Variants in CTNNA3 observed in about 807,000 individuals in gnomAD.
CTNNA3 encodes catenin alpha-3.
CTNNA3 carries 76 observed loss-of-function variants against 95.7 expected under a neutral mutation model. The ratio of observed to expected loss-of-function variants is 0.79; its 90% CI spans 0.66 to 0.96. The LOEUF is 0.96. CTNNA3 is among the 40% of genes least tolerant of loss of function. CTNNA3 has a pLI of 0.00. For missense variants in CTNNA3, 1,191 were observed against 1,089.8 expected (o/e 1.09, Z -1.31); for synonymous variants, 431 against 374.4 (o/e 1.15, Z -1.74).
chr10:66,552,065 G>A (rs1019184613), intron 10 of CTNNA3, among the ~76,000 whole-genome samples: 3 of 151,668 alleles, frequency 2.0e-5, no homozygotes, highest in Non-Finnish European at 2.9e-5. Context: ...CACCACGCCC[G>A]GCTAATTTTT....
chr10:67,283,336 G>A (rs1839470389), intron 5 of CTNNA3, among the ~76,000 whole-genome samples: 1 of 152,206 alleles, frequency 6.6e-6, no homozygotes, highest in Non-Finnish European at 1.5e-5. Context: ...CTGGTAATCA[G>A]CAGCTTCCCA....
intron 3 of CTNNA3, among the ~76,000 whole-genome samples, chr10:67,541,032 C>A (rs1228172702): frequency 6.6e-6 from 1 of 151,682 alleles, no homozygotes; most frequent in African/African-American, 2.4e-5. Flanking sequence ...TTCATTGATA[C>A]ACTGTAACTT....
chr10:66,760,340 C>T (rs149136518), intron 9 of CTNNA3, among the ~76,000 whole-genome samples: 20 of 152,244 alleles, frequency 1.3e-4, no homozygotes, highest in Non-Finnish European at 2.6e-4. Flanking sequence ...CTGCCTCTAT[C>T]CCATCTCATG....
chr10:66,757,860 A>T (rs1242970701), intron 9 of CTNNA3, among the ~76,000 whole-genome samples: 1 of 152,142 alleles, frequency 6.6e-6, no homozygotes, highest in East Asian at 1.9e-4. Context: ...TGTGATCTTA[A>T]GTGAGTTGCT....
chr10:66,273,254 A>G (rs780023439), intron 13 of CTNNA3, among the ~76,000 whole-genome samples: 4 of 152,154 alleles, frequency 2.6e-5, no homozygotes, highest in Admixed American at 6.5e-5. Flanking sequence ...AAGAACTGCA[A>G]TACTATATGA....
At chr10:67,131,221 T>A (rs1351033516) in intron 7 of CTNNA3, among the ~76,000 whole-genome samples, 1 of 152,038 alleles carries the variant, frequency 6.6e-6, no homozygotes, top group African/African-American at 2.4e-5. Context: ...GAGGGTTGGG[T>A]TAGGTACCTT....
At chr10:66,792,394 T>A (rs1841007272) in intron 7 of CTNNA3, among the ~76,000 whole-genome samples, 1 of 152,158 alleles carries the variant, frequency 6.6e-6, no homozygotes, top group African/African-American at 2.4e-5. Flanking sequence ...TGCATAAGAA[T>A]CTCCTAGAAG....
At chr10:67,042,560 T>A (rs914489953) in intron 7 of CTNNA3, among the ~76,000 whole-genome samples, 1 of 151,560 alleles carries the variant, frequency 6.6e-6, no homozygotes, top group East Asian at 1.9e-4. Context: ...CAAGAACATA[T>A]AAGGTAAGAA....
chr10:67,430,845 A>ACC (rs1846087399), intron 5 of CTNNA3, among the ~76,000 whole-genome samples: 1 of 151,458 alleles, frequency 6.6e-6, no homozygotes, highest in African/African-American at 2.4e-5. Context: ...ACACACACAC[A>ACC]CACACACACC....
At chr10:67,236,161 G>T (rs1489153408) in intron 5 of CTNNA3, among the ~76,000 whole-genome samples, 1 of 148,410 alleles carries the variant, frequency 6.7e-6, no homozygotes, top group African/African-American at 2.6e-5. Context: ...CCATTACTGG[G>T]TATATACCCA....
At chr10:66,280,696 T>C in intron 12 of CTNNA3, 75 bp from the exon 13 acceptor site, 1 of 1,187,056 alleles carries the variant, frequency 8.4e-7, no homozygotes, top group Admixed American at 2.7e-5. Context: ...CCAGGAAATG[T>C]AGAATTTGGT....
intron 5 of CTNNA3, among the ~76,000 whole-genome samples, chr10:67,328,771 T>C (rs1841661233): frequency 6.6e-6 from 1 of 152,172 alleles, no homozygotes; most frequent in African/African-American, 2.4e-5. Flanking sequence ...GTGTCAGTCA[T>C]CTGAGTCCCT....
At chr10:66,371,640 T>C (rs561099888) in intron 12 of CTNNA3, among the ~76,000 whole-genome samples, 1 of 152,226 alleles carries the variant, frequency 6.6e-6, no homozygotes, top group East Asian at 1.9e-4. Flanking sequence ...TCCTTTTGCT[T>C]CCTCGTTGAT....
At chr10:66,167,739 T>G (rs2085208091) in intron 13 of CTNNA3, among the ~76,000 whole-genome samples, 1 of 152,186 alleles carries the variant, frequency 6.6e-6, no homozygotes, top group Middle Eastern at 3.4e-3. Context: ...CAGATCATGA[T>G]GAAATTATTA....
At chr10:66,690,438 T>C (rs1384575579) in intron 9 of CTNNA3, among the ~76,000 whole-genome samples, 2 of 151,898 alleles carry the variant, frequency 1.3e-5, no homozygotes, top group African/African-American at 4.8e-5. Context: ...ACTCGTCATT[T>C]AGCATTAGGT....
At chr10:66,787,354 G>C (rs376400830) in intron 7 of CTNNA3, among the ~76,000 whole-genome samples, 2 of 152,182 alleles carry the variant, frequency 1.3e-5, no homozygotes, top group African/African-American at 4.8e-5. Context: ...TACTCTATAA[G>C]AGAAAATATT....
intron 9 of CTNNA3, among the ~76,000 whole-genome samples, chr10:66,709,519 CAAAACA>C (rs1315984013): frequency 1.1e-5 from 1 of 91,302 alleles, no homozygotes; most frequent in Non-Finnish European, 2.7e-5. Context: ...CATTCTGTCT[CAAAACA>C]GAAATTATTT....
intron 7 of CTNNA3, among the ~76,000 whole-genome samples, chr10:67,096,176 T>C (rs940412942): frequency 1.2e-4 from 18 of 151,816 alleles, no homozygotes; most frequent in African/African-American, 3.9e-4. Flanking sequence ...TATAAGCAAA[T>C]AATCTTAAAA....
chr10:67,539,864 A>G (rs1179287771), intron 3 of CTNNA3, among the ~76,000 whole-genome samples, 195 bp from the exon 4 acceptor site: 1 of 152,216 alleles, frequency 6.6e-6, no homozygotes, highest in African/African-American at 2.4e-5. Context: ...TTTTGGAATT[A>G]AGAAGCATAA....
Sources: gnomAD v4.1 joint callset for allele counts (sites outside exome capture counted in the v4.1 genomes callset) on GRCh38, gnomAD v4.1.1 for gene constraint, MANE v1.5 for transcripts, NCBI Gene and HGNC (gene_info 2026-07-23, HGNC 2026-07-21) for gene names.